The following ADAR variants were observed in gnomAD, a reference collection of about 807,000 sequenced individuals.
ADAR encodes the protein double-stranded RNA-specific adenosine deaminase.
A neutral mutation model predicts 113.2 loss-of-function variants in ADAR; 41 were observed. The observed-to-expected ratio is 0.36, with a 90% CI of 0.28 to 0.47. The LOEUF (loss-of-function observed/expected upper bound fraction) is 0.47. Ranked by LOEUF, ADAR falls within the 20% of genes least tolerant of loss-of-function variation. The pLI, the probability that ADAR is intolerant of heterozygous loss-of-function variation, is 1.00. For missense variants in ADAR, 1,242 were observed against 1,540.9 expected (o/e 0.81, Z 3.25); for synonymous variants, 605 against 572.6 (o/e 1.06, Z -0.81).
chr1:154,591,367 A>G lies in ADAR; in HGVS notation c.2271-958T>C, dbSNP rs375931262. 1.6e-4 allele frequency among the ~76,000 whole-genome samples: 24 copies of G among 152,364 alleles called. No individual in the cohort carries two copies. The East Asian group carries it at 4.0e-3, about 26-fold the overall frequency. The stretch of plus-strand genomic sequence containing the variant: ...CCCTCATTTACTTCCTATTAGCTCA[A>G]GGGGACTTGACCTGGAGAGGTCATT... On this transcript the variant is annotated intron_variant, in intron 6 of 14. Transcript: ENST00000368474.
rs762094056 is a variant in ADAR at position 154,602,155 on chromosome 1, C to T, written c.487G>A (p.Gly163Arg). ...TCTTTCTTCGGAGTCCCAAGTTTCC[C>T]AGACAGATCATGTGCTGTGGTGGCC... The part of the protein sequence containing the change: ...GKATTAHDLS[G>R]KLGTPKKEIN... The change falls in exon 2 of 15, where the codon GGG (glycine) becomes AGG (arginine). Residue 163 changes from glycine (G) to arginine (R), a missense_variant. Coordinates refer to ENST00000368474, the MANE Select transcript of ADAR (RefSeq NM_001111.5). 27 of 1,614,112 alleles carry T rather than the reference C, an allele frequency of 1.7e-5. No homozygotes were observed. Among genetic ancestry groups the T allele is most frequent in the Non-Finnish European group, 2.1e-5 (25 of 1,180,054 alleles).
In ADAR at chr1:154,584,912, T is replaced by C; in HGVS notation, c.3575A>G (p.Tyr1192Cys). 1 of 1,614,208 alleles carries C rather than the reference T, an allele frequency of 6.2e-7. No individual in the cohort carries two copies. Among genetic ancestry groups the C allele is most frequent in the Non-Finnish European group, 8.5e-7 (1 of 1,180,036 alleles). Residue 1192 changes from tyrosine to cysteine, a missense_variant, in exon 15 of 15, where the codon TAC (tyrosine) becomes TGC (cysteine). Physicochemically the swap from Tyr to Cys is radical, Grantham distance 194. Around this residue, in one of 2 missense-constraint regions of ADAR, gnomAD observed 780 missense variants for 1,057.9 expected, o/e 0.74. Transcript: ENST00000368474. Reference protein sequence around the residue: ...YGEAKKAARDYETAKNYFKKG... With the variant: ...YGEAKKAARDCETAKNYFKKG... ...TTTGAAGTAGTTCTTGGCCGTCTCG[T>C]AGTCACGGGCAGCTTTCTTGGCCTC...
chr1:154,601,710 G>T lies in ADAR; in HGVS notation c.932C>A (p.Ser311Tyr). 6.2e-7 allele frequency: 1 copy of T among 1,614,208 alleles called. No individual in the cohort carries two copies. The highest frequency in any genetic ancestry group is 8.5e-7 in the Non-Finnish European group (1 of 1,180,044). ...EKICDYLFNV[S>Y]DSSALNLAKN... ...AGCCAAATTCAGGGCAGAGGAGTCA[G>T]ACACATTGAAGAGATAGTCGCAGAT... Residue 311 changes from serine to tyrosine, a missense_variant, in exon 2 of 15, where the codon TCT (serine) becomes TAT (tyrosine). Coordinates refer to ENST00000368474, the MANE Select transcript of ADAR (RefSeq NM_001111.5). This position sits in a 1 kb window ranked among gnomAD's most constrained non-coding sequence, Gnocchi z 4.7.
rs1457999123 is a variant in ADAR at position 154,601,475 on chromosome 1, G to A, written c.1167C>T (p.Phe389=). The change falls in exon 2 of 15, where the codon TTC becomes TTT. Residue 389 remains phenylalanine (F), a synonymous_variant. Transcript: ENST00000368474. The surrounding 1 kb of genome is among the most constrained non-coding windows in gnomAD (Gnocchi z 4.7). The part of the protein sequence containing the change: ...AIPETKRNAE[F]LTCNIPTSNA... ...TTGATGTGGGTATATTACAGGTGAG[G>A]AACTCTGCGTTTCTTTTGGTCTCAG... 2 of 1,614,168 alleles carry A rather than the reference G, an allele frequency of 1.2e-6. No individual in the cohort carries two copies. The highest frequency in any genetic ancestry group is 2.2e-5 in the South Asian group (2 of 91,080).
chr1:154,602,725 G>A (rs938525886), intron 1 of ADAR, 99 bp from the exon 2 acceptor site: 3 of 1,444,346 alleles, frequency 2.1e-6, no homozygotes, highest in Admixed American at 1.9e-5. Context: ...GCCCTTGAAG[G>A]GCTGAGAAGG....
At chr1:154,611,440 C>T (rs960375517), upstream of ADAR, among the ~76,000 whole-genome samples, 2 of 152,028 alleles carry the variant, frequency 1.3e-5, no homozygotes, top group African/African-American at 4.8e-5. Context: ...TTTTAACTCC[C>T]CCATGGTTGT....
chr1:154,603,985 T>G (rs1048820670), intron 1 of ADAR, among the ~76,000 whole-genome samples: 2 of 152,176 alleles, frequency 1.3e-5, no homozygotes, highest in African/African-American at 4.8e-5. Context: ...ATCCCTACCT[T>G]TCTGCCACAC....
At chr1:154,599,551 G>C (rs555965602) in intron 2 of ADAR, among the ~76,000 whole-genome samples, 2 of 152,314 alleles carry the variant, frequency 1.3e-5, no homozygotes, top group South Asian at 4.1e-4. Flanking sequence ...CCAAATTGGT[G>C]TCATGAAGAC....
Position 154,608,092 on chromosome 1 carries a change from C to G in ADAR, c.-86G>C, listed in dbSNP as rs1698323235. The G allele has an allele frequency of 5.5e-6, 8 of 1,455,752 alleles. No individual in the cohort carries two copies. Among genetic ancestry groups the G allele is most frequent in the South Asian group, 1.4e-5 (1 of 70,578 alleles). 90.2% of individuals were successfully genotyped at this position (1,455,752 alleles called of 1,614,324 possible). Reference sequence around the variant, plus strand: ...GGGCCGCGCCAGCCCCTCGAGGCCCCCACGCCTCCGCTACTCCGCACTGGA... The same window carrying G: ...GGGCCGCGCCAGCCCCTCGAGGCCCGCACGCCTCCGCTACTCCGCACTGGA... On this transcript the variant is annotated 5_prime_UTR_variant, in exon 1 of 15. Transcript: ENST00000368474.
chr1:154,587,485 G>C (rs147420065), intron 11 of ADAR, among the ~76,000 whole-genome samples: 1 of 152,296 alleles, frequency 6.6e-6, no homozygotes, highest in Non-Finnish European at 1.5e-5. Flanking sequence ...TGTGGACACA[G>C]ATCTCCATCT....
upstream of ADAR, among the ~76,000 whole-genome samples, chr1:154,610,100 C>T (rs1698435205): frequency 6.6e-6 from 1 of 152,120 alleles, no homozygotes; most frequent in Middle Eastern, 3.2e-3. Context: ...CAGAGAAATG[C>T]ACAGTATAGC....
At chr1:154,597,041 A>C (rs760814725) in intron 5 of ADAR, 46 bp from the exon 6 acceptor site, 2 of 1,613,954 alleles carry the variant, frequency 1.2e-6, no homozygotes, top group Admixed American at 1.7e-5. Context: ...CACTTCAGGA[A>C]ATGTTGAGGG....
chr1:154,626,239 CA>C (rs1175930699), intron 1 of ADAR, among the ~76,000 whole-genome samples: 2 of 151,314 alleles, frequency 1.3e-5, no homozygotes, highest in African/African-American at 4.9e-5. Flanking sequence ...CTCAGCCTCC[CA>C]AGTAGCTGGG....
rs747110415 is a variant in ADAR, at chr1:154,601,235, T to G, written c.1407A>C (p.Ala469=). The change falls in exon 2 of 15, where the codon GCA becomes GCC. Residue 469 remains alanine, a synonymous_variant. Coordinates refer to ENST00000368474, the MANE Select transcript of ADAR (RefSeq NM_001111.5). This position sits in a 1 kb window ranked among gnomAD's most constrained non-coding sequence, Gnocchi z 4.7. ...CCATGATGGCTCGAAACTCACCTGG[T>G]GCTGCGCGGATACTATTCAAGTCAT... The part of the protein sequence containing the change: ...IPDDLNSIRA[A]PGEFRAIMEM... The G allele has an allele frequency of 1.4e-5, 22 of 1,614,118 alleles. No homozygotes were observed. Among genetic ancestry groups the G allele is most frequent in the Non-Finnish European group, 1.9e-5 (22 of 1,180,048 alleles).
Position 154,614,883 on chromosome 1 carries a change from C to T in ADAR, c.-870-12257G>A, listed in dbSNP as rs4845382. ...GTTTTCTTGGAATTTGACAGAGAGC[C>T]ATTTTCAAGTGAACACTGGTCTTTA... On this transcript the variant is annotated intron_variant, in intron 1 of 14. Transcript: ENST00000368471. Among the ~76,000 whole-genome samples the T allele has an allele frequency of 6.5e-3, 990 of 152,286 alleles. 21 individuals carry two copies. Among genetic ancestry groups the T allele is most frequent in the East Asian group, 0.044 (229 of 5,186 alleles).
chr1:154,601,924 C>G lies in ADAR; in HGVS notation c.718G>C (p.Asp240His), dbSNP rs1374526080. Residue 240 changes from aspartate (D) to histidine (H), a missense_variant, in exon 2 of 15, where the codon GAT (aspartate) becomes CAT (histidine). Transcript: ENST00000368474. The surrounding 1 kb of genome is among the most constrained non-coding windows in gnomAD (Gnocchi z 4.7). ...EDRNSTSVSE[D>H]LLEPFIAVSA... ...ACTGCAATAAAAGGCTCAAGAAGAT[C>G]TTCTGAGACAGATGTGGAGTTTCTG... 2.5e-6 allele frequency: 4 copies of G among 1,613,784 alleles called. No individual in the cohort carries two copies.
chr1:154,584,467 GGAAAGGAAA>G lies in ADAR; in HGVS notation c.*330_*338del. ...AGAGGTCAGTGTAGCAAACACAAAGGGAAAGGAAATGGAAACAAATCAAAACAAAACTTT... is the reference window on the plus strand; with the variant it reads ...AGAGGTCAGTGTAGCAAACACAAAGGTGGAAACAAATCAAAACAAAACTTT... On this transcript the variant is annotated 3_prime_UTR_variant, in exon 15 of 15. Coordinates refer to ENST00000368474, the MANE Select transcript of ADAR (RefSeq NM_001111.5). 1 of 296,274 alleles carries G rather than the reference GGAAAGGAAA, an allele frequency of 3.4e-6. No individual in the cohort carries two copies. The highest frequency in any genetic ancestry group is 6.4e-6 in the Non-Finnish European group (1 of 157,152). 18.4% of individuals were successfully genotyped at this position (296,274 alleles called of 1,614,324 possible).
chr1:154,604,299 C>G (rs1297855873), intron 1 of ADAR, among the ~76,000 whole-genome samples: 2 of 152,246 alleles, frequency 1.3e-5, no homozygotes, highest in Non-Finnish European at 2.9e-5. Context: ...ACTCCTTACT[C>G]TGGTGGAACC....
chr1:154,607,481 T>C (rs1302808641), intron 1 of ADAR, among the ~76,000 whole-genome samples: 1 of 151,970 alleles, frequency 6.6e-6, no homozygotes, highest in African/African-American at 2.4e-5. Context: ...CTGAGGATAG[T>C]GTGCGCTGCT....
Sources: gnomAD v4.1 joint callset for allele counts (sites outside exome capture counted in the v4.1 genomes callset) on GRCh38, gnomAD v4.1.1 for gene constraint, gnomAD v4.1.1 regional missense constraint, Gnocchi (gnomAD v3.1) non-coding constraint, MANE v1.5 for transcripts, NCBI Gene and HGNC (gene_info 2026-07-23, HGNC 2026-07-21) for gene names.